The following CTNNA3 variants were observed in gnomAD, a reference collection of about 807,000 sequenced individuals.
CTNNA3 encodes the protein catenin alpha-3.
Under a neutral mutation model 95.7 loss-of-function variants are expected in CTNNA3, and 76 were observed. That is an observed-to-expected ratio of 0.79 (90% CI 0.66 to 0.96). CTNNA3 has a LOEUF of 0.96. Among genes scored for constraint, CTNNA3 ranks in the 40% least tolerant of loss-of-function variants. The pLI, the probability that CTNNA3 is intolerant of heterozygous loss-of-function variation, is 0.00. For synonymous variants in CTNNA3, 431 were observed against 374.4 expected (o/e 1.15, Z -1.74); for missense variants, 1,191 against 1,089.8 (o/e 1.09, Z -1.31).
At chr10:66,398,854 C>A (rs1284140046) in intron 11 of CTNNA3, among the ~76,000 whole-genome samples, 2 of 152,018 alleles carry the variant, frequency 1.3e-5, no homozygotes. Context: ...AACCATCTTG[C>A]ACAAATTCAG....
intron 7 of CTNNA3, among the ~76,000 whole-genome samples, chr10:67,127,465 C>T (rs1859770800): frequency 6.6e-6 from 1 of 152,170 alleles, no homozygotes; most frequent in African/African-American, 2.4e-5. Context: ...CCCAAGTCTT[C>T]TTTCCTTCTC....
At chr10:67,637,715 T>C (rs764361340) in intron 2 of CTNNA3, among the ~76,000 whole-genome samples, 6 of 152,340 alleles carry the variant, frequency 3.9e-5, no homozygotes, top group Middle Eastern at 3.4e-3. Context: ...ATATTCAACA[T>C]TCTTAAAGAA....
intron 13 of CTNNA3, among the ~76,000 whole-genome samples, chr10:66,104,707 A>G (rs2081813678): frequency 6.6e-6 from 1 of 152,240 alleles, no homozygotes; most frequent in Non-Finnish European, 1.5e-5. Flanking sequence ...GTTTCATAGA[A>G]AACAACCAAA....
intron 13 of CTNNA3, among the ~76,000 whole-genome samples, chr10:66,139,193 G>T (rs930577390): frequency 4.6e-5 from 7 of 152,138 alleles, no homozygotes; most frequent in African/African-American, 7.2e-5. Flanking sequence ...GAAATGTTAG[G>T]CGAGAAATAA....
chr10:65,946,469 T>C (rs1234784016), intron 17 of CTNNA3, among the ~76,000 whole-genome samples: 1 of 152,086 alleles, frequency 6.6e-6, no homozygotes, highest in Non-Finnish European at 1.5e-5. Context: ...TACAAGCATA[T>C]GCTAGCAAAG....
intron 1 of CTNNA3, among the ~76,000 whole-genome samples, chr10:67,683,540 C>A (rs1840667133): frequency 6.6e-6 from 1 of 152,194 alleles, no homozygotes; most frequent in South Asian, 2.1e-4. Flanking sequence ...CTGATGCCAC[C>A]CCTAGAGGCC....
At chr10:66,891,453 A>G (rs1845266572) in intron 7 of CTNNA3, among the ~76,000 whole-genome samples, 2 of 152,186 alleles carry the variant, frequency 1.3e-5, no homozygotes, top group South Asian at 4.1e-4. Context: ...TTTGAAGGAT[A>G]TTTTGATTAT....
chr10:67,661,141 A>G (rs956144139), intron 1 of CTNNA3, among the ~76,000 whole-genome samples: 2 of 152,126 alleles, frequency 1.3e-5, no homozygotes, highest in African/African-American at 4.8e-5. Context: ...ATGTATTTAA[A>G]CTTTGACCCA....
At chr10:67,470,119 G>A (rs1487999406) in intron 5 of CTNNA3, among the ~76,000 whole-genome samples, 2 of 151,942 alleles carry the variant, frequency 1.3e-5, no homozygotes, top group Non-Finnish European at 2.9e-5. Flanking sequence ...CCAACCTCTG[G>A]TAACCGTTCT....
At chr10:66,200,770 C>G (rs185088777) in intron 13 of CTNNA3, among the ~76,000 whole-genome samples, 1 of 152,142 alleles carries the variant, frequency 6.6e-6, no homozygotes, top group African/African-American at 2.4e-5. Flanking sequence ...TTAAACATTA[C>G]CCAGCATATA....
At chr10:66,101,622 A>T (rs968445775) in intron 14 of CTNNA3, among the ~76,000 whole-genome samples, 1 of 152,200 alleles carries the variant, frequency 6.6e-6, no homozygotes, top group Non-Finnish European at 1.5e-5. Flanking sequence ...AAATATGTAG[A>T]TGCAAGATAT....
intron 15 of CTNNA3, among the ~76,000 whole-genome samples, chr10:66,004,503 G>A (rs574079598): frequency 3.1e-4 from 47 of 152,208 alleles, no homozygotes; most frequent in African/African-American, 1.1e-3. Flanking sequence ...ACCTAGTTGT[G>A]GGGGTCCATG....
intron 11 of CTNNA3, among the ~76,000 whole-genome samples, chr10:66,501,659 A>C (rs1840280759): frequency 6.6e-6 from 1 of 152,310 alleles, no homozygotes; most frequent in South Asian, 2.1e-4. Flanking sequence ...AGAACAGAAT[A>C]TCATTTAAAT....
intron 7 of CTNNA3, among the ~76,000 whole-genome samples, chr10:67,003,987 T>C (rs1377392171): frequency 2.0e-5 from 3 of 152,164 alleles, no homozygotes; most frequent in Non-Finnish European, 4.4e-5. Context: ...GGACTTATAT[T>C]CTGAAGCAAC....
At chr10:66,684,757 T>TA (rs1468752734) in intron 9 of CTNNA3, among the ~76,000 whole-genome samples, 4 of 152,110 alleles carry the variant, frequency 2.6e-5, no homozygotes, top group Admixed American at 6.5e-5. Flanking sequence ...AAGTCCAAGA[T>TA]AAAATTAAAA....
intron 5 of CTNNA3, among the ~76,000 whole-genome samples, chr10:67,292,980 T>C (rs11814100): frequency 0.09 from 13,683 of 151,908 alleles, 1,197 homozygotes; most frequent in African/African-American, 0.23. Flanking sequence ...AAATAAACCA[T>C]TCTAGTTTAG....
chr10:66,389,373 T>C (rs1426583859), intron 11 of CTNNA3, among the ~76,000 whole-genome samples: 6 of 152,140 alleles, frequency 3.9e-5, no homozygotes, highest in Non-Finnish European at 1.5e-5. Context: ...AGCTTCAGAG[T>C]ATCAGCTTAA....
chr10:67,385,392 T>C (rs1479923867), intron 5 of CTNNA3, among the ~76,000 whole-genome samples: 1 of 152,188 alleles, frequency 6.6e-6, no homozygotes, highest in African/African-American at 2.4e-5. Context: ...AAAAGCATAA[T>C]AAGGAAACTT....
intron 4 of CTNNA3, among the ~76,000 whole-genome samples, chr10:67,537,003 C>T (rs1200618982): frequency 2.6e-5 from 4 of 152,116 alleles, no homozygotes; most frequent in Non-Finnish European, 4.4e-5. Context: ...AAAACTATCA[C>T]GATTTACCAC....
Sources: gnomAD v4.1 joint callset for allele counts (sites outside exome capture counted in the v4.1 genomes callset) on GRCh38, gnomAD v4.1.1 for gene constraint, MANE v1.5 for transcripts, NCBI Gene and HGNC (gene_info 2026-07-23, HGNC 2026-07-21) for gene names.